PCDH9: variants seen among roughly 807,000 people sequenced by gnomAD.
PCDH9 encodes the protein protocadherin-9.
A neutral mutation model predicts 70.6 loss-of-function variants in PCDH9; 24 were observed. The observed-to-expected ratio is 0.34, with a 90% CI of 0.25 to 0.48. PCDH9 has a LOEUF of 0.48. Among genes scored for constraint, PCDH9 ranks in the 20% least tolerant of loss-of-function variants. The probability of loss-of-function intolerance (pLI) is 0.99; values close to 1 mark genes in which losing one functional copy is unlikely to be tolerated. For synonymous variants in PCDH9, 562 were observed against 558.5 expected, an observed-to-expected ratio of 1.01 and a Z score of -0.09; for missense variants, 1,281 against 1,503.6, an observed-to-expected ratio of 0.85 and a Z score of 2.45.
At chr13:66,641,423 T>C (rs923972557) in intron 3 of PCDH9, among the ~76,000 whole-genome samples, 4 of 152,190 alleles carry the variant, frequency 2.6e-5, no homozygotes, top group Admixed American at 2.0e-4. Flanking sequence ...TGCATGGTCA[T>C]GCATAGTCTA....
chr13:66,691,144 C>T (rs1264199855), intron 3 of PCDH9, among the ~76,000 whole-genome samples: 2 of 152,052 alleles, frequency 1.3e-5, no homozygotes, highest in Admixed American at 6.6e-5. Context: ...TTCAAGCGAT[C>T]CTCCCACTCA....
At chr13:66,786,115 T>C (rs187611339) in intron 3 of PCDH9, among the ~76,000 whole-genome samples, 1 of 152,292 alleles carries the variant, frequency 6.6e-6, no homozygotes, top group East Asian at 1.9e-4. Flanking sequence ...GTTCCCCTGG[T>C]TACATGGCTA....
chr13:67,033,075 C>A (rs191576791), intron 2 of PCDH9, among the ~76,000 whole-genome samples: 1 of 152,134 alleles, frequency 6.6e-6, no homozygotes, highest in Admixed American at 6.5e-5. Flanking sequence ...TTTCTATCTA[C>A]TTTCTCTTGC....
intron 2 of PCDH9, among the ~76,000 whole-genome samples, chr13:66,951,378 CA>C (rs1403949023): frequency 5.3e-5 from 8 of 151,416 alleles, no homozygotes; most frequent in African/African-American, 1.9e-4. Flanking sequence ...TTCTGATCCA[CA>C]AGGGTTTATT....
chr13:66,360,086 G>A (rs1346059444), intron 4 of PCDH9, among the ~76,000 whole-genome samples: 3 of 152,046 alleles, frequency 2.0e-5, no homozygotes, highest in African/African-American at 7.2e-5. Context: ...GGTATGAAAT[G>A]TGAGGGAGGA....
At chr13:66,815,270 A>G (rs950947062) in intron 3 of PCDH9, among the ~76,000 whole-genome samples, 2 of 152,174 alleles carry the variant, frequency 1.3e-5, no homozygotes, top group Non-Finnish European at 2.9e-5. Flanking sequence ...AGTCAAAAAA[A>G]TAACAGATGC....
chr13:66,894,255 T>C (rs2082140587), intron 3 of PCDH9, among the ~76,000 whole-genome samples: 2 of 152,052 alleles, frequency 1.3e-5, no homozygotes, highest in African/African-American at 4.8e-5. Context: ...ACCATACACC[T>C]ACATTCTGAC....
At chr13:66,450,103 A>T (rs757890103) in intron 4 of PCDH9, among the ~76,000 whole-genome samples, 40 of 152,246 alleles carry the variant, frequency 2.6e-4, no homozygotes, top group Non-Finnish European at 3.2e-4. Flanking sequence ...CAGTGAAAAA[A>T]CACAGACAAC....
At chr13:66,351,252 A>C (rs759015230) in intron 4 of PCDH9, among the ~76,000 whole-genome samples, 11 of 152,104 alleles carry the variant, frequency 7.2e-5, no homozygotes, top group Non-Finnish European at 1.5e-4. Flanking sequence ...ATCTTGGGCA[A>C]GTTCATTTAA....
chr13:67,040,625 T>C (rs928197412), intron 2 of PCDH9, among the ~76,000 whole-genome samples: 1 of 152,148 alleles, frequency 6.6e-6, no homozygotes, highest in South Asian at 2.1e-4. Context: ...CTGTCGCTTA[T>C]AAGCCACCAA....
At chr13:66,479,523 A>C (rs1371142243) in intron 4 of PCDH9, among the ~76,000 whole-genome samples, 8 of 152,174 alleles carry the variant, frequency 5.3e-5, no homozygotes, top group Non-Finnish European at 8.8e-5. Context: ...AAGAGGTCAA[A>C]ATACTGAGAG....
chr13:66,938,959 T>C (rs562504041), intron 2 of PCDH9, among the ~76,000 whole-genome samples: 1 of 152,252 alleles, frequency 6.6e-6, no homozygotes, highest in Non-Finnish European at 1.5e-5. Flanking sequence ...TCTATCAATG[T>C]ATTTATTTGT....
At chr13:66,600,381 T>C (rs944554329) in intron 4 of PCDH9, among the ~76,000 whole-genome samples, 13 of 151,944 alleles carry the variant, frequency 8.6e-5, no homozygotes, top group Admixed American at 1.3e-4. Context: ...TTTTCAACTA[T>C]ATTTTTTCTA....
At chr13:66,604,685 T>A (rs996720902) in intron 4 of PCDH9, among the ~76,000 whole-genome samples, 1 of 152,128 alleles carries the variant, frequency 6.6e-6, no homozygotes, top group Non-Finnish European at 1.5e-5. Context: ...CTATTTTATT[T>A]AATGAGAACT....
intron 4 of PCDH9, among the ~76,000 whole-genome samples, chr13:66,548,581 C>T (rs114971072): frequency 0.031 from 4,629 of 151,718 alleles, 212 homozygotes; most frequent in African/African-American, 0.1. Flanking sequence ...AAAAATTAAA[C>T]GTTCAAAAAC....
chr13:66,748,932 C>A (rs1424674546), intron 3 of PCDH9, among the ~76,000 whole-genome samples: 1 of 152,124 alleles, frequency 6.6e-6, no homozygotes, highest in Non-Finnish European at 1.5e-5. Flanking sequence ...GGAAGTCCCC[C>A]ACCCCATGCT....
chr13:66,980,910 G>C (rs7986616), intron 2 of PCDH9, among the ~76,000 whole-genome samples: 150,591 of 151,968 alleles, frequency 0.99, 74,626 homozygotes, highest in East Asian at 1. Context: ...ACAAAAAATA[G>C]ATAAAAACAT....
intron 2 of PCDH9, among the ~76,000 whole-genome samples, chr13:66,938,249 G>T (rs889730380): frequency 6.6e-6 from 1 of 152,068 alleles, no homozygotes; most frequent in African/African-American, 2.4e-5. Flanking sequence ...CATCAACAGG[G>T]CTTCTTAAAC....
chr13:66,858,065 A>AT (rs2081423361), intron 3 of PCDH9, among the ~76,000 whole-genome samples: 1 of 152,178 alleles, frequency 6.6e-6, no homozygotes, highest in Non-Finnish European at 1.5e-5. Flanking sequence ...TGCCTTTAAA[A>AT]TAGCATCCTT....
Sources: allele counts gnomAD v4.1 joint callset (sites outside exome capture counted in the v4.1 genomes callset), GRCh38; gene constraint gnomAD v4.1.1; transcripts MANE v1.5; gene names NCBI Gene and HGNC (gene_info 2026-07-23, HGNC 2026-07-21).